Variants in PRKN observed in about 807,000 individuals in gnomAD.
PRKN encodes the protein parkin RBR E3 ubiquitin protein ligase.
In PRKN, 56 loss-of-function variants were observed where a neutral mutation model predicts 59.5. That is an observed-to-expected ratio of 0.94 (90% confidence interval 0.76 to 1.18). The LOEUF is 1.18. PRKN is among the 50% of genes most tolerant of loss of function. The probability of loss-of-function intolerance (pLI) is 0.00; values close to 1 mark genes in which losing one functional copy is unlikely to be tolerated. For missense variants in PRKN, 657 were observed against 596.4 expected (o/e 1.10, Z -1.06); for synonymous variants, 250 against 222.1 (o/e 1.13, Z -1.12).
intron 4 of PRKN, among the ~76,000 whole-genome samples, chr6:162,138,724 G>A (rs1781652181): frequency 6.6e-6 from 1 of 151,914 alleles, no homozygotes. Flanking sequence ...AATATATGGA[G>A]AGAAAAAAAT....
rs995699053 is a variant in PRKN at position 161,377,320 on chromosome 6, C to T, written c.1167+9474G>A. ...AGGCCCACGGGGCGTGAGCGAGCTG[C>T]ACAAGCAGGTCCTCAGACCCCCGTG... On this transcript the variant is annotated intron_variant, in intron 10 of 11. Transcript: ENST00000366898. The surrounding 1 kb of genome is among the most constrained non-coding windows in gnomAD (Gnocchi z 4.2). Among the ~76,000 whole-genome samples the T allele has an allele frequency of 3.3e-5, 5 of 152,240 alleles. No individual in the cohort carries two copies. The highest frequency in any genetic ancestry group is 5.9e-5 in the Non-Finnish European group (4 of 68,044).
rs562747292 is a variant in PRKN at position 161,390,736 on chromosome 6, G to A, written c.1084-3859C>T. On this transcript the variant is annotated intron_variant, in intron 9 of 11. Transcript: ENST00000366898. This position sits in a 1 kb window ranked among gnomAD's most constrained non-coding sequence, Gnocchi z 7.0. ...ACTCCTGACCTCAGGTGATCCACCC[G>A]CCTCGGCCTCCCAAAGTGCTGGGAT... is the stretch of plus-strand genomic sequence containing the variant. Among the ~76,000 whole-genome samples, 44 of 152,156 alleles carry A rather than the reference G, an allele frequency of 2.9e-4. No homozygotes were observed. The highest frequency in any genetic ancestry group is 5.1e-4 in the Non-Finnish European group (35 of 68,006).
intron 7 of PRKN, among the ~76,000 whole-genome samples, chr6:161,775,419 T>C (rs1383179319): frequency 6.6e-6 from 1 of 152,008 alleles, no homozygotes; most frequent in African/African-American, 2.4e-5. Context: ...ATTTTTAAAT[T>C]TTTTGTAGAA....
chr6:162,192,786 C>T (rs904226543), intron 4 of PRKN, among the ~76,000 whole-genome samples: 1 of 151,950 alleles, frequency 6.6e-6, no homozygotes, highest in South Asian at 2.1e-4. Flanking sequence ...AACTTCCTGC[C>T]CACAATTTTG....
chr6:162,421,675 C>T (rs1315814058), intron 2 of PRKN, among the ~76,000 whole-genome samples: 2 of 152,076 alleles, frequency 1.3e-5, no homozygotes, highest in African/African-American at 4.8e-5. Flanking sequence ...TATAAATAAA[C>T]AGGAGAAGAA....
At chr6:161,742,306 C>T (rs1562647942) in intron 7 of PRKN, among the ~76,000 whole-genome samples, 1 of 152,164 alleles carries the variant, frequency 6.6e-6, no homozygotes, top group Non-Finnish European at 1.5e-5. Flanking sequence ...CAAGCTCTCT[C>T]TTGCCAGCTG....
intron 2 of PRKN, among the ~76,000 whole-genome samples, chr6:162,276,592 A>G (rs973008263): frequency 1.3e-5 from 2 of 152,110 alleles, no homozygotes; most frequent in Non-Finnish European, 2.9e-5. Flanking sequence ...TAAAAACATA[A>G]AATTGTCAAA....
intron 5 of PRKN, among the ~76,000 whole-genome samples, chr6:161,977,114 T>C (rs1781062041): frequency 6.6e-6 from 1 of 152,194 alleles, no homozygotes; most frequent in Non-Finnish European, 1.5e-5. Context: ...GTTTTTGTTG[T>C]AGTACTAGAA....
intron 5 of PRKN, among the ~76,000 whole-genome samples, chr6:162,000,317 G>A (rs1782003861): frequency 6.6e-6 from 1 of 152,090 alleles, no homozygotes; most frequent in Admixed American, 6.6e-5. Flanking sequence ...GGTGGTGTCA[G>A]TGTCCTGGAT....
chr6:162,533,389 A>G (rs976217067), intron 1 of PRKN, among the ~76,000 whole-genome samples: 3 of 152,096 alleles, frequency 2.0e-5, no homozygotes, highest in Non-Finnish European at 4.4e-5. Context: ...TTAGCAGGGC[A>G]TGGTGGCAGG....
Position 161,777,893 on chromosome 6 carries a change from T to C in PRKN, c.871+7879A>G, listed in dbSNP as rs144173156. ...ATGTATACGTATATATGTATATATA[T>C]GTATACATATATATGTGTATATATA... is the stretch of plus-strand genomic sequence containing the variant. On this transcript the variant is annotated intron_variant, in intron 7 of 11. Coordinates refer to ENST00000366898, the MANE Select transcript of PRKN (RefSeq NM_004562.3). 1.2e-3 allele frequency among the ~76,000 whole-genome samples: 151 copies of C among 123,514 alleles called. 2 individuals are homozygous for C. Among genetic ancestry groups the C allele is most frequent in the South Asian group, 3.2e-3 (11 of 3,458 alleles). The allele number at this position is 123,514 out of a possible 152,430, so 81.0% of individuals were successfully genotyped here.
At chr6:161,398,980 T>C (rs1366183355) in intron 9 of PRKN, among the ~76,000 whole-genome samples, 2 of 152,168 alleles carry the variant, frequency 1.3e-5, no homozygotes, top group Admixed American at 1.3e-4. Flanking sequence ...AAATGTTGCC[T>C]TTTGGCCTGT....
chr6:162,265,758 G>A (rs950149220), intron 2 of PRKN, among the ~76,000 whole-genome samples: 11 of 152,108 alleles, frequency 7.2e-5, no homozygotes, highest in Non-Finnish European at 2.9e-5. Flanking sequence ...CCACTGAGGT[G>A]ACCAAGTGCA....
In PRKN at chr6:162,293,111, A is replaced by C. The variant is rs769963494; in HGVS notation, c.172-30346T>G. The stretch of plus-strand genomic sequence containing the variant: ...CTGGGTAAGATATTAACAAGCTTCA[A>C]CATCAGATGTAAAGGGAAGGAAAAG... On this transcript the variant is annotated intron_variant, in intron 2 of 11. Transcript: ENST00000366898. Among the ~76,000 whole-genome samples the C allele has an allele frequency of 2.5e-4, 38 of 152,212 alleles. 2 individuals carry two copies. The highest frequency in any genetic ancestry group is 3.2e-3 in the Middle Eastern group (1 of 316).
At chr6:161,711,858 T>C (rs1043513305) in intron 7 of PRKN, among the ~76,000 whole-genome samples, 1 of 152,198 alleles carries the variant, frequency 6.6e-6, no homozygotes, top group Non-Finnish European at 1.5e-5. Flanking sequence ...TTTTGACTCT[T>C]GGACTTAAAC....
At chr6:161,877,320 G>A (rs886948282) in intron 6 of PRKN, among the ~76,000 whole-genome samples, 2 of 152,086 alleles carry the variant, frequency 1.3e-5, no homozygotes, top group African/African-American at 2.4e-5. Flanking sequence ...TCATGTTCCT[G>A]ACCATCCCAG....
chr6:161,978,457 T>G (rs930361384), intron 5 of PRKN, among the ~76,000 whole-genome samples: 10 of 152,304 alleles, frequency 6.6e-5, no homozygotes, highest in African/African-American at 2.4e-4. Flanking sequence ...GAACACACAA[T>G]AGAAGTGAGA....
intron 6 of PRKN, among the ~76,000 whole-genome samples, chr6:161,972,205 C>T (rs928597172): frequency 3.4e-5 from 5 of 145,986 alleles, no homozygotes; most frequent in African/African-American, 7.7e-5. Flanking sequence ...ACCTGGGAGG[C>T]GGAGGTTGCA....
At chr6:162,530,003 G>A (rs367596502) in intron 1 of PRKN, among the ~76,000 whole-genome samples, 58 of 152,192 alleles carry the variant, frequency 3.8e-4, no homozygotes, top group African/African-American at 1.3e-3. Flanking sequence ...GATGGCACAT[G>A]TCTGTAATCC....
Sources: allele counts gnomAD v4.1 joint callset (sites outside exome capture counted in the v4.1 genomes callset), GRCh38; gene constraint gnomAD v4.1.1; non-coding constraint Gnocchi (gnomAD v3.1); transcripts MANE v1.5; gene names NCBI Gene and HGNC (gene_info 2026-07-23, HGNC 2026-07-21).